Variants in OSTF1 observed in about 807,000 individuals in gnomAD.
OSTF1 encodes the protein osteoclast stimulating factor 1.
Under a neutral mutation model 37.2 loss-of-function variants are expected in OSTF1, and 27 were observed. The observed-to-expected ratio is 0.73, with a 90% CI of 0.54 to 1.00. OSTF1 has a LOEUF of 1.00. OSTF1 is among the 50% of genes least tolerant of loss of function. The pLI is 0.00. For synonymous variants in OSTF1, 82 were observed against 89.2 expected (o/e 0.92, Z 0.46); for missense variants, 232 against 253.8 (o/e 0.91, Z 0.58).
At chr9:75,139,689 C>T (rs1358812723) in intron 8 of OSTF1, among the ~76,000 whole-genome samples, 1 of 152,208 alleles carries the variant, frequency 6.6e-6, no homozygotes, top group Non-Finnish European at 1.5e-5. Flanking sequence ...TCCTAAAGTG[C>T]CAGGATTACA....
chr9:75,146,796 C>T lies in OSTF1; in HGVS notation c.*55C>T. 7.6e-7 allele frequency: 1 copy of T among 1,313,656 alleles called. No homozygotes were observed. Among genetic ancestry groups the T allele is most frequent in the Non-Finnish European group, 1.1e-6 (1 of 924,622 alleles). The allele number at this position is 1,313,656 out of a possible 1,614,324, so 81.4% of individuals were successfully genotyped here. ...TTCTGTTGCTTTTGCCATTCCAAAACTTTGTCTTTGCCAGAAAAGTGTTGG... is the reference window on the plus strand; with the variant it reads ...TTCTGTTGCTTTTGCCATTCCAAAATTTTGTCTTTGCCAGAAAAGTGTTGG... On this transcript the variant is annotated 3_prime_UTR_variant, in exon 10 of 10. Coordinates refer to ENST00000346234, the MANE Select transcript of OSTF1 (RefSeq NM_012383.5).
At chr9:75,141,605 T>C (rs1001253176) in intron 9 of OSTF1, among the ~76,000 whole-genome samples, 7 of 152,340 alleles carry the variant, frequency 4.6e-5, no homozygotes, top group African/African-American at 1.7e-4. Flanking sequence ...AAAATAACAT[T>C]TAATAGCTCC....
chr9:75,102,778 C>T (rs1825216227), intron 1 of OSTF1, among the ~76,000 whole-genome samples: 2 of 152,168 alleles, frequency 1.3e-5, no homozygotes. Flanking sequence ...AGTGGCATCA[C>T]AATGAATAAC....
chr9:75,090,166 A>G (rs2118354036), intron 1 of OSTF1, among the ~76,000 whole-genome samples: 1 of 152,288 alleles, frequency 6.6e-6, no homozygotes, highest in South Asian at 2.1e-4. Context: ...TAGCTAAACA[A>G]TATTTTATTT....
rs141015039 is a variant in OSTF1 at position 75,132,871 on chromosome 9, A to G, written c.251-423A>G. On this transcript the variant is annotated intron_variant, in intron 5 of 9. Coordinates refer to ENST00000346234, the MANE Select transcript of OSTF1 (RefSeq NM_012383.5). Reference sequence around the variant, plus strand: ...TAGGAACTGAAGATGCATTTTAAATATGAATATGAATAGTATCTGCTTGTT... The same window carrying G: ...TAGGAACTGAAGATGCATTTTAAATGTGAATATGAATAGTATCTGCTTGTT... Among the ~76,000 whole-genome samples, 438 of 152,236 alleles carry G rather than the reference A, an allele frequency of 2.9e-3. 5 individuals carry two copies. The highest frequency in any genetic ancestry group is 1.5e-3 in the Non-Finnish European group (100 of 68,008).
At chr9:75,118,935 T>G (rs571485791) in intron 2 of OSTF1, among the ~76,000 whole-genome samples, 26 of 152,238 alleles carry the variant, frequency 1.7e-4, no homozygotes, top group African/African-American at 6.0e-4. Flanking sequence ...AAACCTGCTA[T>G]CATTGACTTT....
At chr9:75,124,064 A>G (rs1825624273) in intron 2 of OSTF1, among the ~76,000 whole-genome samples, 1 of 152,194 alleles carries the variant, frequency 6.6e-6, no homozygotes. Flanking sequence ...AGTTTTGACT[A>G]TTTTGGGCTT....
At chr9:75,136,446 G>T (rs11144248) in intron 7 of OSTF1, among the ~76,000 whole-genome samples, 1 of 151,902 alleles carries the variant, frequency 6.6e-6, no homozygotes, top group South Asian at 2.1e-4. Flanking sequence ...AGGCTGGGGC[G>T]TAGTGGCGCA....
At chr9:75,091,908 A>C (rs888694641) in intron 1 of OSTF1, among the ~76,000 whole-genome samples, 1 of 152,214 alleles carries the variant, frequency 6.6e-6, no homozygotes, top group Admixed American at 6.5e-5. Flanking sequence ...TCTGAAAAGT[A>C]GTTATTTTAA....
intron 2 of OSTF1, among the ~76,000 whole-genome samples, chr9:75,122,711 A>C (rs1305832153): frequency 6.6e-6 from 1 of 152,202 alleles, no homozygotes; most frequent in Non-Finnish European, 1.5e-5. Context: ...GAGGTTTCTC[A>C]TCTGTAACAT....
At chr9:75,106,288 T>C (rs936767285) in intron 1 of OSTF1, among the ~76,000 whole-genome samples, 2 of 152,232 alleles carry the variant, frequency 1.3e-5, no homozygotes, top group African/African-American at 4.8e-5. Context: ...TATTGGACAT[T>C]GTTATACTCA....
intron 5 of OSTF1, among the ~76,000 whole-genome samples, chr9:75,132,962 TACACACACATACACACACAC>T (rs1318938993): frequency 3.3e-4 from 32 of 97,766 alleles, no homozygotes; most frequent in East Asian, 9.5e-4. Context: ...TATATACACA[TACACACACATACACACACAC>T]ACACACACAC....
At chr9:75,121,171 G>A (rs1459960666) in intron 2 of OSTF1, among the ~76,000 whole-genome samples, 1 of 152,166 alleles carries the variant, frequency 6.6e-6, no homozygotes, top group Non-Finnish European at 1.5e-5. Context: ...AGTCCCACCA[G>A]GTTTTAGTGA....
chr9:75,124,785 A>G (rs1177667450), intron 2 of OSTF1, among the ~76,000 whole-genome samples: 2 of 147,928 alleles, frequency 1.4e-5, no homozygotes, highest in Non-Finnish European at 3.0e-5. Flanking sequence ...CTTTTTCATA[A>G]AGTGTTTTGT....
intron 1 of OSTF1, among the ~76,000 whole-genome samples, chr9:75,110,610 A>C (rs1489358694): frequency 6.6e-6 from 1 of 152,194 alleles, no homozygotes; most frequent in Non-Finnish European, 1.5e-5. Flanking sequence ...TAAGTGAAAT[A>C]GTCTATCTAT....
intron 8 of OSTF1, among the ~76,000 whole-genome samples, chr9:75,139,328 G>A (rs1475988582): frequency 6.6e-6 from 1 of 151,856 alleles, no homozygotes. Context: ...GAGCTACTGT[G>A]CTGGCCTATT....
chr9:75,105,332 C>G (rs750732825), intron 1 of OSTF1, among the ~76,000 whole-genome samples: 14 of 152,170 alleles, frequency 9.2e-5, no homozygotes, highest in South Asian at 2.1e-4. Context: ...ATAGTAAATA[C>G]TTTAGGCTTC....
In OSTF1 at chr9:75,128,947, T is replaced by C. The variant is rs1825720090; in HGVS notation, c.132+1328T>C. On this transcript the variant is annotated intron_variant, in intron 3 of 9. Transcript: ENST00000346234. ...CTAGGAAAAATGACCAACCCAATAA[T>C]AATATGTTATTTTCCATTGAAATGT... Among the ~76,000 whole-genome samples, 10 of 152,176 alleles carry C rather than the reference T, an allele frequency of 6.6e-5. No homozygotes were observed. The South Asian group carries it at 2.1e-3, about 32-fold the overall frequency.
intron 3 of OSTF1, among the ~76,000 whole-genome samples, 190 bp downstream of exon 3, chr9:75,127,809 G>C (rs534722389): frequency 6.6e-6 from 1 of 151,760 alleles, no homozygotes; most frequent in Non-Finnish European, 1.5e-5. Flanking sequence ...AGTTGAATAA[G>C]CTTTGGTCTA....
Sources: gnomAD v4.1 joint callset for allele counts (sites outside exome capture counted in the v4.1 genomes callset) on GRCh38, gnomAD v4.1.1 for gene constraint, MANE v1.5 for transcripts, NCBI Gene and HGNC (gene_info 2026-07-23, HGNC 2026-07-21) for gene names.